SMIM35: variants seen among roughly 807,000 people sequenced by gnomAD.
SMIM35 encodes the protein TMPRSS4 antisense RNA 1 (non-protein coding).
At chr11:118,058,398 G>T (rs147879931) in intron 1 of SMIM35, among the ~76,000 whole-genome samples, 2 of 152,196 alleles carry the variant, frequency 1.3e-5, no homozygotes, top group African/African-American at 4.8e-5. Flanking sequence ...GGCTAGAGCT[G>T]CACATGGACC....
intron 1 of SMIM35, among the ~76,000 whole-genome samples, chr11:118,022,364 G>A (rs1172130414): frequency 6.6e-6 from 1 of 151,948 alleles, no homozygotes; most frequent in African/African-American, 2.4e-5. Flanking sequence ...ATAAGTCTTA[G>A]TAAGTAAATC....
At chr11:118,048,547 AAGGAAGGAAGGAAGG>A (rs1243984410) in intron 1 of SMIM35, among the ~76,000 whole-genome samples, 2 of 26,616 alleles carry the variant, frequency 7.5e-5, no homozygotes, top group African/African-American at 2.3e-4. Flanking sequence ...AGAAGGAAGG[AAGGAAGGAAGGAAGG>A]AAGGAAGGAA....
At chr11:118,054,805 ATTTTTTTTTTTTTTTTGAG>A (rs1944285147) in intron 1 of SMIM35, among the ~76,000 whole-genome samples, 1 of 139,348 alleles carries the variant, frequency 7.2e-6, no homozygotes, top group African/African-American at 2.7e-5. Context: ...TATTTTCAGG[ATTTTTTTTTTTTTTTTGAG>A]ACAGAGCTTT....
chr11:118,022,023 A>G (rs1467582510), intron 1 of SMIM35, among the ~76,000 whole-genome samples: 1 of 150,822 alleles, frequency 6.6e-6, no homozygotes, highest in African/African-American at 2.5e-5. Context: ...AAACCATAAA[A>G]CAATAAGTCT....
chr11:118,046,606 A>G (rs1734178050), intron 1 of SMIM35, among the ~76,000 whole-genome samples: 1 of 152,204 alleles, frequency 6.6e-6, no homozygotes, highest in Non-Finnish European at 1.5e-5. Context: ...CAGGGCAGGT[A>G]TAGAGCAGCT....
intron 1 of SMIM35, among the ~76,000 whole-genome samples, chr11:118,047,602 T>C (rs2135093398): frequency 6.6e-6 from 1 of 152,308 alleles, no homozygotes; most frequent in East Asian, 1.9e-4. Flanking sequence ...CCTTAGACTG[T>C]CCTGTCCAGA....
intron 1 of SMIM35, among the ~76,000 whole-genome samples, chr11:118,081,684 G>A (rs1228316107): frequency 6.6e-6 from 1 of 152,234 alleles, no homozygotes; most frequent in Non-Finnish European, 1.5e-5. Context: ...TCGCCCGCTG[G>A]TGCGGTTGAG....
At chr11:118,078,873 T>G (rs1944905351) in intron 1 of SMIM35, among the ~76,000 whole-genome samples, 1 of 152,110 alleles carries the variant, frequency 6.6e-6, no homozygotes, top group African/African-American at 2.4e-5. Context: ...CCCACGCACA[T>G]GCACCGGGTT....
chr11:118,077,348 G>T, intron 1 of SMIM35: 1 of 1,571,912 alleles, frequency 6.4e-7, no homozygotes, highest in Non-Finnish European at 8.6e-7. Flanking sequence ...GGAAGGGTGG[G>T]TCTCCCCATG....
intron 1 of SMIM35, among the ~76,000 whole-genome samples, chr11:118,030,999 T>C (rs2058314946): frequency 6.6e-6 from 1 of 152,060 alleles, no homozygotes; most frequent in African/African-American, 2.4e-5. Flanking sequence ...GGATATTGAT[T>C]GATACTGATC....
intron 4 of SMIM35, among the ~76,000 whole-genome samples, chr11:118,007,215 A>G (rs2058126549): frequency 1.3e-5 from 2 of 152,010 alleles, no homozygotes; most frequent in Non-Finnish European, 1.5e-5. Context: ...GACTGAGGCT[A>G]GAAGTGGGTG....
At chr11:118,063,500 A>G (rs192099368) in intron 1 of SMIM35, among the ~76,000 whole-genome samples, 49 of 152,316 alleles carry the variant, frequency 3.2e-4, no homozygotes, top group African/African-American at 1.1e-3. Flanking sequence ...ATTTCCTGGC[A>G]TACAACTCCT....
chr11:118,034,583 G>A (rs2058344182), intron 1 of SMIM35, among the ~76,000 whole-genome samples: 1 of 152,202 alleles, frequency 6.6e-6, no homozygotes, highest in Non-Finnish European at 1.5e-5. Context: ...AATTAGCTGG[G>A]CGTGGTGGTT....
chr11:118,016,155 G>A (rs1273433174), intron 1 of SMIM35, among the ~76,000 whole-genome samples: 1 of 152,132 alleles, frequency 6.6e-6, no homozygotes, highest in Non-Finnish European at 1.5e-5. Context: ...CATGAGCCAG[G>A]TGGTCAGGGG....
chr11:118,012,128 C>A (rs1324766301), intron 4 of SMIM35, among the ~76,000 whole-genome samples: 1 of 152,204 alleles, frequency 6.6e-6, no homozygotes, highest in African/African-American at 2.4e-5. Flanking sequence ...CTCTATTGGG[C>A]TCCTGCATCT....
chr11:118,054,603 T>C (rs1397185241), intron 1 of SMIM35, among the ~76,000 whole-genome samples: 2 of 152,172 alleles, frequency 1.3e-5, no homozygotes, highest in Non-Finnish European at 2.9e-5. Context: ...CTCATAACTC[T>C]TATACCCATG....
At position 118,009,036 on chromosome 11, in the gene SMIM35, C is replaced by T. The variant is rs1591272065; in HGVS notation, c.*34-2660G>A. ...AGATCCATGGGTCTTACAGAAGTCT[C>T]CCTGGAGAAGGGAAATTTGAGCTGG... On this transcript the variant is annotated intron_variant, in intron 4 of 4. Coordinates refer to ENST00000689828, the MANE Select transcript of SMIM35 (RefSeq NM_001394165.1). Among the ~76,000 whole-genome samples, 7 of 152,246 alleles carry T rather than the reference C, an allele frequency of 4.6e-5. 2 individuals are homozygous for T. Among genetic ancestry groups the T allele is most frequent in the Admixed American group, 4.6e-4 (7 of 15,298 alleles).
At chr11:118,074,352 G>T (rs1944619080) in intron 1 of SMIM35, among the ~76,000 whole-genome samples, 1 of 152,114 alleles carries the variant, frequency 6.6e-6, no homozygotes, top group African/African-American at 2.4e-5. Context: ...GGGAGGGAAA[G>T]AAGAGAGGAA....
intron 1 of SMIM35, among the ~76,000 whole-genome samples, chr11:118,019,820 A>G (rs1273159778): frequency 6.6e-6 from 1 of 151,940 alleles, no homozygotes; most frequent in Non-Finnish European, 1.5e-5. Context: ...TTTCCCCTTC[A>G]TTGCTGCTGC....
Sources: gnomAD v4.1 joint callset for allele counts (sites outside exome capture counted in the v4.1 genomes callset) on GRCh38, gnomAD v4.1.1 for gene constraint, MANE v1.5 for transcripts, NCBI Gene and HGNC (gene_info 2026-07-23, HGNC 2026-07-21) for gene names.